Variants in FGF2 observed in about 807,000 individuals in gnomAD.
FGF2 encodes fibroblast growth factor 2, also known as basic fibroblast growth factor bFGF.
In FGF2, 13 loss-of-function variants were observed where a neutral mutation model predicts 15.9. The observed-to-expected ratio is 0.82, with a 90% CI of 0.53 to 1.30. The LOEUF is 1.30. FGF2 is among the 50% of genes most tolerant of loss of function. The pLI is 0.00. For synonymous variants in FGF2, 90 were observed against 78.4 expected (o/e 1.15, Z -0.78); for missense variants, 163 against 196.9 (o/e 0.83, Z 1.03).
In FGF2 at chr4:122,894,447, G is replaced by C. The variant is rs1452807346; in HGVS notation, c.*2051G>C. The C allele has an allele frequency of 6.6e-6, 1 of 152,232 alleles. No homozygotes were observed. The highest frequency in any genetic ancestry group is 6.5e-5 in the Admixed American group (1 of 15,276). The allele number at this position is 152,232 out of a possible 1,614,324, so 9.4% of individuals were successfully genotyped here. On this transcript the variant is annotated 3_prime_UTR_variant, in exon 3 of 3. Coordinates refer to ENST00000644866, the MANE Select transcript of FGF2 (RefSeq NM_001361665.2). ...AAAACACAAAAAATAGCCAGGCATG[G>C]TGGCGTGTACATGTGGTCTCAGATA...
chr4:122,892,751 G>A lies in FGF2; in HGVS notation c.*355G>A, dbSNP rs1727221658. ...ATACATTAGAAAATCACAGTCAGAT[G>A]TTTAATCAATCCAAAATGTCCACTA... On this transcript the variant is annotated 3_prime_UTR_variant, in exon 3 of 3. Transcript: ENST00000644866. 9 of 1,375,644 alleles carry A rather than the reference G, an allele frequency of 6.5e-6. No individual in the cohort carries two copies. Among genetic ancestry groups the A allele is most frequent in the Non-Finnish European group, 8.8e-6 (9 of 1,022,462 alleles). 85.2% of individuals were successfully genotyped at this position (1,375,644 alleles called of 1,614,324 possible).
chr4:122,850,454 G>A (rs892055277), intron 1 of FGF2, among the ~76,000 whole-genome samples: 9 of 152,054 alleles, frequency 5.9e-5, no homozygotes, highest in African/African-American at 2.2e-4. Flanking sequence ...TATTCTTCCA[G>A]AAATAACATT....
chr4:122,839,219 T>G (rs1326754189), intron 1 of FGF2, among the ~76,000 whole-genome samples: 2 of 152,190 alleles, frequency 1.3e-5, no homozygotes, highest in African/African-American at 4.8e-5. Context: ...TATCTAAACA[T>G]TGAAAAGGTA....
In FGF2 at chr4:122,827,911, C is replaced by A. The variant is rs1279223155; in HGVS notation, c.178+559C>A. Among the ~76,000 whole-genome samples, 1 of 152,204 alleles carries A rather than the reference C, an allele frequency of 6.6e-6. No individual in the cohort carries two copies. The highest frequency in any genetic ancestry group is 1.5e-5 in the Non-Finnish European group (1 of 68,042). On this transcript the variant is annotated intron_variant, in intron 1 of 2. Transcript: ENST00000644866. The surrounding 1 kb of genome is among the most constrained non-coding windows in gnomAD (Gnocchi z 4.2). ...TGAAAGAGCAAAAACAAAAACCAAC[C>A]AGCCAACCAGCAAAAAATCCAGATG... is the stretch of plus-strand genomic sequence containing the variant.
chr4:122,834,189 C>T (rs1178305877), intron 1 of FGF2, among the ~76,000 whole-genome samples: 1 of 152,222 alleles, frequency 6.6e-6, no homozygotes, highest in African/African-American at 2.4e-5. Flanking sequence ...CAGGAGAGAC[C>T]AGTCTCCTCC....
At chr4:122,840,054 A>G (rs1340112162) in intron 1 of FGF2, among the ~76,000 whole-genome samples, 3 of 152,062 alleles carry the variant, frequency 2.0e-5, no homozygotes, top group African/African-American at 2.4e-5. Context: ...TAAAGACCTC[A>G]GTCAGATTGG....
At chr4:122,837,307 C>A (rs1011378165) in intron 1 of FGF2, among the ~76,000 whole-genome samples, 3 of 152,178 alleles carry the variant, frequency 2.0e-5, no homozygotes, top group Admixed American at 6.6e-5. Flanking sequence ...TAAGCTGAAT[C>A]ATTTTGTAAA....
chr4:122,826,852 C>T lies in FGF2; in HGVS notation c.-323C>T. On this transcript the variant is annotated 5_prime_UTR_variant, in exon 1 of 3. Transcript: ENST00000644866. ...GGGTGCCAGATTAGCGGACGCGGTG[C>T]CCGCGGTTGCAACGGGATCCCGGGC... 6.7e-7 allele frequency: 1 copy of T among 1,499,478 alleles called. No individual in the cohort carries two copies. Among genetic ancestry groups the T allele is most frequent in the African/African-American group, 1.4e-5 (1 of 69,954 alleles). 92.9% of individuals were successfully genotyped at this position (1,499,478 alleles called of 1,614,324 possible).
At chr4:122,868,900 G>C (rs1004578852) in intron 1 of FGF2, among the ~76,000 whole-genome samples, 3 of 152,058 alleles carry the variant, frequency 2.0e-5, no homozygotes, top group African/African-American at 7.2e-5. Context: ...ATGTTTGTTG[G>C]CCATGTAAAT....
At chr4:122,877,571 G>A (rs1238063131) in intron 2 of FGF2, among the ~76,000 whole-genome samples, 5 of 152,180 alleles carry the variant, frequency 3.3e-5, no homozygotes, top group African/African-American at 1.2e-4. Context: ...TATAAAGAAT[G>A]GTGCAGGAAA....
intron 1 of FGF2, among the ~76,000 whole-genome samples, chr4:122,873,837 A>G (rs1487206555): frequency 7.4e-6 from 1 of 134,728 alleles, no homozygotes; most frequent in Non-Finnish European, 1.5e-5. Flanking sequence ...GCCAATGGAA[A>G]CACTCTTCAA....
At chr4:122,831,782 T>C (rs1725770636) in intron 1 of FGF2, among the ~76,000 whole-genome samples, 1 of 152,192 alleles carries the variant, frequency 6.6e-6, no homozygotes, top group South Asian at 2.1e-4. Context: ...ATGACCGTTA[T>C]GTAATTAGAC....
rs1403264160 is a variant in FGF2, at chr4:122,895,995, G to T, written c.*3599G>T. 1 of 152,556 alleles carries T rather than the reference G, an allele frequency of 6.6e-6. No homozygotes were observed. Among genetic ancestry groups the T allele is most frequent in the Non-Finnish European group, 1.5e-5 (1 of 68,016 alleles). 9.5% of individuals were successfully genotyped at this position (152,556 alleles called of 1,614,324 possible). A position where few individuals can be genotyped will look rare whatever the true frequency, so the allele number is the denominator to read the frequency against. On this transcript the variant is annotated 3_prime_UTR_variant, in exon 3 of 3. Transcript: ENST00000644866. ...GCCTTCATATAGACATAGTCTTTCA[G>T]ACCTCTACTGTCAGTTTTCATTTCT...
intron 1 of FGF2, among the ~76,000 whole-genome samples, chr4:122,842,505 G>C (rs1210944086): frequency 6.6e-6 from 1 of 152,156 alleles, no homozygotes; most frequent in Non-Finnish European, 1.5e-5. Context: ...TGTGTGTTGG[G>C]GTGAAACTTT....
intron 1 of FGF2, among the ~76,000 whole-genome samples, chr4:122,870,796 G>A (rs551341125): frequency 8.6e-4 from 130 of 151,696 alleles, no homozygotes; most frequent in Middle Eastern, 6.8e-3. Flanking sequence ...TGATTTTTTT[G>A]TAGGGTTTTT....
intron 2 of FGF2, 69 bp downstream of exon 2, chr4:122,876,493 G>A: frequency 1.1e-6 from 1 of 947,744 alleles, no homozygotes; most frequent in Non-Finnish European, 1.7e-6. Context: ...CAGCATTGTT[G>A]TTTATCAAAT....
chr4:122,840,874 C>T (rs1335725560), intron 1 of FGF2, among the ~76,000 whole-genome samples: 1 of 151,954 alleles, frequency 6.6e-6, no homozygotes, highest in Non-Finnish European at 1.5e-5. Flanking sequence ...GGAAAGTTAC[C>T]AGCAGATGTG....
At chr4:122,864,220 A>G (rs1384526955) in intron 1 of FGF2, among the ~76,000 whole-genome samples, 4 of 151,528 alleles carry the variant, frequency 2.6e-5, no homozygotes, top group African/African-American at 9.7e-5. Context: ...CATTTTTTTC[A>G]TGCTTTAGCA....
intron 1 of FGF2, among the ~76,000 whole-genome samples, chr4:122,865,396 T>C (rs1726553602): frequency 6.6e-6 from 1 of 152,162 alleles, no homozygotes; most frequent in Non-Finnish European, 1.5e-5. Flanking sequence ...GCCCAAGCAA[T>C]TCTTGTGCCT....
Sources: gnomAD v4.1 joint callset for allele counts (sites outside exome capture counted in the v4.1 genomes callset) on GRCh38, gnomAD v4.1.1 for gene constraint, Gnocchi (gnomAD v3.1) non-coding constraint, MANE v1.5 for transcripts, NCBI Gene and HGNC (gene_info 2026-07-23, HGNC 2026-07-21) for gene names.